PLCB2: variants seen among roughly 807,000 people sequenced by gnomAD.
PLCB2 encodes 1-phosphatidylinositol 4,5-bisphosphate phosphodiesterase beta-2.
A neutral mutation model predicts 141.7 loss-of-function variants in PLCB2; 115 were observed. That is an observed-to-expected ratio of 0.81 (90% confidence interval 0.70 to 0.95). The LOEUF is 0.95. Among genes scored for constraint, PLCB2 ranks in the 40% least tolerant of loss-of-function variants. The probability of loss-of-function intolerance (pLI) is 0.00; values close to 1 mark genes in which losing one functional copy is unlikely to be tolerated. For synonymous variants in PLCB2, 603 were observed against 595.6 expected, an observed-to-expected ratio of 1.01 and a Z score of -0.18; for missense variants, 1,403 against 1,541.1, an observed-to-expected ratio of 0.91 and a Z score of 1.50.
At chr15:40,302,372 G>A (rs759771886) in intron 4 of PLCB2, 23 bp from the exon 5 acceptor site, 56 of 1,613,068 alleles carry the variant, frequency 3.5e-5, no homozygotes, top group African/African-American at 5.3e-5. Flanking sequence ...AGAGAGCAGC[G>A]GTCAGGCTCC....
chr15:40,303,127 G>A (rs1007565362), intron 3 of PLCB2, among the ~76,000 whole-genome samples, 161 bp downstream of exon 3: 2 of 152,198 alleles, frequency 1.3e-5, no homozygotes, highest in South Asian at 2.1e-4. Flanking sequence ...AGGAGCTGCC[G>A]CTCCCCTTCC....
At chr15:40,289,467 TAAC>T in intron 30 of PLCB2, 109 bp from the exon 31 acceptor site, 1 of 777,758 alleles carries the variant, frequency 1.3e-6, no homozygotes. Context: ...GCAAATTCCT[TAAC>T]ATTAGGTAGT....
At position 40,296,307 on chromosome 15, in the gene PLCB2, T is replaced by C. The variant is rs1358981272; in HGVS notation, c.1685A>G (p.Glu562Gly). The change falls in exon 16 of 32, where the codon GAG becomes GGG. Residue 562 changes from glutamate (E) to glycine (G), a missense_variant. Physicochemically the swap from Glu to Gly is moderately conservative, Grantham distance 98. Around this residue, in one of 4 missense-constraint regions of PLCB2, gnomAD observed 975 missense variants for 1,141.1 expected, o/e 0.85. Coordinates refer to ENST00000260402, the MANE Select transcript of PLCB2 (RefSeq NM_004573.3). ...YIQPTKFVSF[E>G]FSAQKNRSYV... ...TCATGCTAACTTACGGGCAGAGAAC[T>C]CAAAGGAGACGAACTTGGTGGGCTG... 1.2e-6 allele frequency: 2 copies of C among 1,613,104 alleles called. No individual in the cohort carries two copies. Among genetic ancestry groups the C allele is most frequent in the South Asian group, 2.2e-5 (2 of 90,830 alleles).
chr15:40,290,055 G>A lies in PLCB2; in HGVS notation c.3237C>T (p.His1079=), dbSNP rs1025141583. ...TGATCACCTGCACTACTTCCTGGATGTGGGAGTTGTTAATCTCTCTCTTCA... is the reference window on the plus strand; with the variant it reads ...TGATCACCTGCACTACTTCCTGGATATGGGAGTTGTTAATCTCTCTCTTCA... ...ERLKREINNS[H]IQEVVQVIKQ... Residue 1079 remains histidine (H), a synonymous_variant, in exon 30 of 32, where the codon CAC becomes CAT. Coordinates refer to ENST00000260402, the MANE Select transcript of PLCB2 (RefSeq NM_004573.3). 6.2e-7 allele frequency: 1 copy of A among 1,611,170 alleles called. No individual in the cohort carries two copies. Among genetic ancestry groups the A allele is most frequent in the Non-Finnish European group, 8.5e-7 (1 of 1,177,480 alleles).
downstream of PLCB2, chr15:40,285,417 G>A: frequency 1.7e-6 from 1 of 589,044 alleles, no homozygotes; most frequent in Non-Finnish European, 2.1e-6. Flanking sequence ...TACCAGCCCT[G>A]CCTGCTTTAC....
downstream of PLCB2, among the ~76,000 whole-genome samples, chr15:40,287,333 G>T (rs2039627259): frequency 6.6e-6 from 1 of 152,168 alleles, no homozygotes; most frequent in Non-Finnish European, 1.5e-5. Context: ...AAAGGAACAG[G>T]TGCTCACAGC....
chr15:40,306,348 C>A (rs2040794770), intron 1 of PLCB2, among the ~76,000 whole-genome samples: 1 of 152,172 alleles, frequency 6.6e-6, no homozygotes, highest in Non-Finnish European at 1.5e-5. Context: ...GGGAAGGGAA[C>A]AGCCAGGTAC....
At chr15:40,305,091 C>A (rs1175078251) in intron 1 of PLCB2, among the ~76,000 whole-genome samples, 1 of 152,068 alleles carries the variant, frequency 6.6e-6, no homozygotes, top group African/African-American at 2.4e-5. Flanking sequence ...TCCCTTACCT[C>A]CCCAAGGGAG....
rs776099272 is a variant in PLCB2 at position 40,290,632 on chromosome 15, G to C, written c.3154C>G (p.Leu1052Val). 1.9e-6 allele frequency: 3 copies of C among 1,614,148 alleles called. No individual in the cohort carries two copies. In the East Asian group the frequency reaches 6.7e-5, roughly 36 times the overall value. The change falls in exon 29 of 32, where the codon CTG becomes GTG. Residue 1052 changes from leucine to valine, a missense_variant. Transcript: ENST00000260402. ...EMKKKLETKRLERIQGMTKVT... is the reference protein window; with the variant it reads ...EMKKKLETKRVERIQGMTKVT... ...TTGGTCATGCCCTGGATCCGCTCCA[G>C]TCTCTTTGTCTCCAGCTTTTTCTTC...
chr15:40,299,569 T>C (rs1054724546), intron 7 of PLCB2, among the ~76,000 whole-genome samples: 1 of 152,084 alleles, frequency 6.6e-6, no homozygotes, highest in Non-Finnish European at 1.5e-5. Context: ...AGGACAAATA[T>C]TCAAAAAGAA....
chr15:40,292,767 G>A (rs955460341), intron 21 of PLCB2, among the ~76,000 whole-genome samples, 159 bp downstream of exon 21: 11 of 152,114 alleles, frequency 7.2e-5, no homozygotes, highest in Admixed American at 1.3e-4. Context: ...CAGAGTTCCC[G>A]CCTCTCTTAG....
At position 40,295,251 on chromosome 15, in the gene PLCB2, T is replaced by C; in HGVS notation, c.1731A>G (p.Thr577=). ...KNRSYVISSF[T]ELKAYDLLSK... is the part of the protein sequence containing the mutation. ...AGAGCAGGTCATATGCCTTGAGCTCTGTGAAGGACGAGATGACATAACTTC... is the reference window on the plus strand; with the variant it reads ...AGAGCAGGTCATATGCCTTGAGCTCCGTGAAGGACGAGATGACATAACTTC... Residue 577 remains threonine, a synonymous_variant, in exon 17 of 32, where the codon ACA becomes ACG. Coordinates refer to ENST00000260402, the MANE Select transcript of PLCB2 (RefSeq NM_004573.3). 1.2e-6 allele frequency: 2 copies of C among 1,613,900 alleles called. No individual in the cohort carries two copies. Among genetic ancestry groups the C allele is most frequent in the Non-Finnish European group, 1.7e-6 (2 of 1,179,768 alleles).
In PLCB2 at chr15:40,297,686, C is replaced by T; in HGVS notation, c.1239-81G>A. On this transcript the variant is annotated intron_variant, in intron 12 of 31. Coordinates refer to ENST00000260402, the MANE Select transcript of PLCB2 (RefSeq NM_004573.3). The surrounding 1 kb of genome is among the most constrained non-coding windows in gnomAD (Gnocchi z 4.2). Reference sequence around the variant, plus strand: ...GCATCCTTTTGTGCCCTTGATGACCCAGATCAGGGGCCAGGAGGTCAGGGA... The same window carrying T: ...GCATCCTTTTGTGCCCTTGATGACCTAGATCAGGGGCCAGGAGGTCAGGGA... The T allele has an allele frequency of 8.1e-7, 1 of 1,231,418 alleles. No homozygotes were observed. The highest frequency in any genetic ancestry group is 1.2e-6 in the Non-Finnish European group (1 of 846,080). The allele number at this position is 1,231,418 out of a possible 1,614,324, so 76.3% of individuals were successfully genotyped here.
At position 40,291,042 on chromosome 15, in the gene PLCB2, C is replaced by A; in HGVS notation, c.3012G>T (p.Lys1004Asn). ...QGEEQYECVL[K>N]RKEQHVAEQI... ...CCTCGGCCACGTGCTGCTCCTTGCG[C>A]TTCAGAACGCACTCGTACTGCTCCT... The change falls in exon 27 of 32, where the codon AAG (lysine) becomes AAT (asparagine). Residue 1004 changes from lysine (K) to asparagine (N), a missense_variant. This residue lies in a region of PLCB2 where 290 missense variants were observed against 245.9 expected (regional missense o/e 1.18). Transcript: ENST00000260402. 1 of 1,594,260 alleles carries A rather than the reference C, an allele frequency of 6.3e-7. No individual in the cohort carries two copies.
chr15:40,294,898 C>T (rs1192023953), intron 18 of PLCB2, 38 bp downstream of exon 18: 3 of 1,613,476 alleles, frequency 1.9e-6, no homozygotes, highest in African/African-American at 2.7e-5. Context: ...GGCGCAGGGA[C>T]CAGGGAAGGA....
intron 18 of PLCB2, 39 bp from the exon 19 acceptor site, chr15:40,294,459 C>T: frequency 1.9e-6 from 3 of 1,610,268 alleles, no homozygotes; most frequent in East Asian, 2.2e-5. Context: ...AGGCCCAGCC[C>T]TGGGGCTGTG....
At chr15:40,285,253 G>C (rs1051535709), downstream of PLCB2, among the ~76,000 whole-genome samples, 4 of 152,164 alleles carry the variant, frequency 2.6e-5, no homozygotes, top group African/African-American at 7.2e-5. Flanking sequence ...TTTTGCATTT[G>C]TTAAGCCTTT....
Position 40,296,772 on chromosome 15 carries a change from G to C in PLCB2, c.1460C>G (p.Pro487Arg). 1 of 1,613,866 alleles carries C rather than the reference G, an allele frequency of 6.2e-7. No homozygotes were observed. Among genetic ancestry groups the C allele is most frequent in the Non-Finnish European group, 8.5e-7 (1 of 1,179,840 alleles). ...TGTGCCCTCACCTGCAGGGGCACTGGGTGGGCTGCTGCCCTCAGCCTCCCC... is the reference window on the plus strand; with the variant it reads ...TGTGCCCTCACCTGCAGGGGCACTGCGTGGGCTGCTGCCCTCAGCCTCCCC... ...TGGEAEGSSPPSAPAGEGTVW... is the reference protein window; with the variant it reads ...TGGEAEGSSPRSAPAGEGTVW... Residue 487 changes from proline to arginine, a missense_variant, in exon 14 of 32, where the codon CCC becomes CGC. Coordinates refer to ENST00000260402, the MANE Select transcript of PLCB2 (RefSeq NM_004573.3).
intron 29 of PLCB2, 106 bp from the exon 30 acceptor site, chr15:40,290,188 C>A: frequency 1.3e-6 from 1 of 780,992 alleles, no homozygotes; most frequent in Non-Finnish European, 2.3e-6. Flanking sequence ...CAACATAGGG[C>A]AGGAACCAGC....
Sources: allele counts gnomAD v4.1 joint callset (sites outside exome capture counted in the v4.1 genomes callset), GRCh38; gene constraint gnomAD v4.1.1; regional missense constraint gnomAD v4.1.1; non-coding constraint Gnocchi (gnomAD v3.1); transcripts MANE v1.5; gene names NCBI Gene and HGNC (gene_info 2026-07-23, HGNC 2026-07-21).